The following ADGRL2 variants were observed in gnomAD, a reference collection of about 807,000 sequenced individuals.
ADGRL2 encodes the protein adhesion G protein-coupled receptor L2.
Under a neutral mutation model 157.4 loss-of-function variants are expected in ADGRL2, and 44 were observed. The observed-to-expected ratio is 0.28, with a 90% CI of 0.22 to 0.36. ADGRL2 has a LOEUF of 0.36. Ranked by LOEUF, ADGRL2 falls within the 10% of genes least tolerant of loss-of-function variation. The pLI is 1.00. For missense variants in ADGRL2, 1,510 were observed against 1,768.9 expected, an observed-to-expected ratio of 0.85 and a Z score of 2.63; for synonymous variants, 585 against 624.7, an observed-to-expected ratio of 0.94 and a Z score of 0.95.
intron 16 of ADGRL2, 63 bp downstream of exon 16, chr1:81,970,597 G>C (rs1327022): frequency 2.4e-6 from 3 of 1,228,046 alleles, no homozygotes; most frequent in East Asian, 2.4e-5. Flanking sequence ...CCTGTTAGCT[G>C]TCAGTGAGGG....
intron 3 of ADGRL2, among the ~76,000 whole-genome samples, chr1:81,676,124 T>C (rs494922): frequency 0.33 from 49,447 of 151,778 alleles, 8,366 homozygotes; most frequent in African/African-American, 0.4. Flanking sequence ...GTCTCAGCCT[T>C]CTGAGTAGCT....
intron 3 of ADGRL2, among the ~76,000 whole-genome samples, chr1:81,598,327 G>C (rs1194118479): frequency 1.3e-5 from 2 of 152,180 alleles, no homozygotes; most frequent in Non-Finnish European, 2.9e-5. Flanking sequence ...GAGTAAAATA[G>C]ATGTCATTTC....
chr1:81,693,993 C>G (rs1570856931), intron 3 of ADGRL2, among the ~76,000 whole-genome samples: 2 of 152,204 alleles, frequency 1.3e-5, no homozygotes, highest in African/African-American at 2.4e-5. Flanking sequence ...ATGAGGGATA[C>G]AGAGGAGACA....
rs751069497 is a variant in ADGRL2, at chr1:81,955,874, C to A, written c.1834-3C>A. On this transcript the variant is annotated splice_region_variant and splice_polypyrimidine_tract_variant and intron_variant, in intron 10 of 23. Coordinates refer to ENST00000686636, the MANE Select transcript of ADGRL2 (RefSeq NM_001366006.2). ...ACTAATGATAGTTTTCTAATGGATA[C>A]AGGCAATTGTTGACACAGTGGACAA... 6.4e-7 allele frequency: 1 copy of A among 1,557,600 alleles called. No individual in the cohort carries two copies. Among genetic ancestry groups the A allele is most frequent in the Non-Finnish European group, 8.7e-7 (1 of 1,153,892 alleles).
intron 3 of ADGRL2, among the ~76,000 whole-genome samples, chr1:81,651,064 C>T (rs2082410319): frequency 6.6e-6 from 1 of 152,068 alleles, no homozygotes. Flanking sequence ...ACAGAAAAAT[C>T]CAAGCTGTGT....
chr1:81,776,311 C>G (rs1389326852), intron 2 of ADGRL2, among the ~76,000 whole-genome samples: 2 of 151,938 alleles, frequency 1.3e-5, no homozygotes, highest in Non-Finnish European at 2.9e-5. Context: ...GCCTCTGCCT[C>G]CCAAGTAGCT....
At chr1:81,451,611 C>T (rs1395181108) in intron 2 of ADGRL2, among the ~76,000 whole-genome samples, 1 of 152,170 alleles carries the variant, frequency 6.6e-6, no homozygotes, top group Non-Finnish European at 1.5e-5. Flanking sequence ...TTTGGTTTCA[C>T]TCAGTTCCTT....
At chr1:81,326,832 A>T (rs529417862) in intron 1 of ADGRL2, among the ~76,000 whole-genome samples, 4 of 152,338 alleles carry the variant, frequency 2.6e-5, no homozygotes, top group African/African-American at 9.6e-5. Flanking sequence ...ACCGTCAGAA[A>T]TAATCAGATA....
At chr1:81,949,865 G>T (rs532719433) in intron 6 of ADGRL2, among the ~76,000 whole-genome samples, 5 of 152,246 alleles carry the variant, frequency 3.3e-5, no homozygotes, top group East Asian at 1.9e-4. Flanking sequence ...CACATTTCCT[G>T]TTAAACAGTA....
intron 1 of ADGRL2, among the ~76,000 whole-genome samples, chr1:81,705,365 T>A (rs2083699757): frequency 6.6e-6 from 1 of 152,016 alleles, no homozygotes; most frequent in Admixed American, 6.5e-5. Flanking sequence ...ATGTATAATG[T>A]TGTTTGGATG....
At chr1:81,539,253 T>C (rs1304671043) in intron 2 of ADGRL2, among the ~76,000 whole-genome samples, 1 of 152,052 alleles carries the variant, frequency 6.6e-6, no homozygotes, top group Non-Finnish European at 1.5e-5. Context: ...TCTAGTCCTG[T>C]CCACTAAATT....
intron 2 of ADGRL2, among the ~76,000 whole-genome samples, chr1:81,499,844 A>G (rs773982699): frequency 5.3e-5 from 8 of 152,214 alleles, no homozygotes; most frequent in Non-Finnish European, 7.3e-5. Context: ...AGGTATTGTT[A>G]ATATAACAAA....
At chr1:81,845,183 TAATG>T (rs1294914546) in intron 2 of ADGRL2, among the ~76,000 whole-genome samples, 9 of 152,250 alleles carry the variant, frequency 5.9e-5, no homozygotes, top group Non-Finnish European at 1.0e-4. Flanking sequence ...CATATTTAGA[TAATG>T]AATGCTAACA....
intron 10 of ADGRL2, among the ~76,000 whole-genome samples, chr1:81,954,022 T>G (rs916690287): frequency 4.6e-5 from 7 of 152,120 alleles, no homozygotes. Flanking sequence ...AGTAGGAAAG[T>G]CTGTTTTTAG....
At chr1:81,414,416 G>A (rs915821306) in intron 1 of ADGRL2, 1 of 152,236 alleles carries the variant, frequency 6.6e-6, no homozygotes, top group African/African-American at 2.4e-5. Context: ...TTTAAAAACT[G>A]ATTTAAATTC....
chr1:81,973,389 A>T (rs1426412754), intron 17 of ADGRL2, among the ~76,000 whole-genome samples: 1 of 152,190 alleles, frequency 6.6e-6, no homozygotes, highest in Non-Finnish European at 1.5e-5. Context: ...ATCCTTGAAG[A>T]CATAACCTTC....
At chr1:81,666,080 T>C (rs900555323) in intron 3 of ADGRL2, among the ~76,000 whole-genome samples, 4 of 152,170 alleles carry the variant, frequency 2.6e-5, no homozygotes, top group Non-Finnish European at 5.9e-5. Context: ...GTAAAGCTCC[T>C]AGCCTGCCAA....
rs72940947 is a variant in ADGRL2, at chr1:81,443,993, C to T, written c.-301-1043C>T. Among the ~76,000 whole-genome samples, 632 of 152,210 alleles carry T rather than the reference C, an allele frequency of 4.2e-3. 4 individuals carry two copies. The highest frequency in any genetic ancestry group is 0.014 in the African/African-American group (590 of 41,526). On this transcript the variant is annotated intron_variant, in intron 1 of 24. Transcript: ENST00000370721. Reference sequence around the variant, plus strand: ...GAAGTACTCTTATCAGACATCTATCCGATGCCCCGGTAAGTAGTGTCAGAG... The same window carrying T: ...GAAGTACTCTTATCAGACATCTATCTGATGCCCCGGTAAGTAGTGTCAGAG...
chr1:81,716,763 A>G (rs2149102976), intron 1 of ADGRL2, among the ~76,000 whole-genome samples: 1 of 152,302 alleles, frequency 6.6e-6, no homozygotes, highest in Non-Finnish European at 1.5e-5. Flanking sequence ...TATTCTGAAA[A>G]GTATGGACAG....
Sources: gnomAD v4.1 joint callset for allele counts (sites outside exome capture counted in the v4.1 genomes callset) on GRCh38, gnomAD v4.1.1 for gene constraint, MANE v1.5 for transcripts, NCBI Gene and HGNC (gene_info 2026-07-23, HGNC 2026-07-21) for gene names.